Variants in DMAC2L observed in about 807,000 individuals in gnomAD.
The protein encoded by DMAC2L is distal membrane arm assembly component 2 like.
DMAC2L carries 21 observed loss-of-function variants against 22.5 expected under a neutral mutation model. That is an observed-to-expected ratio of 0.93 (90% CI 0.66 to 1.34). The LOEUF is 1.34. Ranked by LOEUF, DMAC2L falls within the 40% of genes most tolerant of loss-of-function variation. The pLI, the probability that DMAC2L is intolerant of heterozygous loss-of-function variation, is 0.00. For missense variants in DMAC2L, 239 were observed against 246.5 expected, an observed-to-expected ratio of 0.97 and a Z score of 0.20; for synonymous variants, 86 against 89.5, an observed-to-expected ratio of 0.96 and a Z score of 0.22.
upstream of DMAC2L, chr14:50,311,950 C>T: frequency 6.5e-7 from 1 of 1,535,200 alleles, no homozygotes; most frequent in Non-Finnish European, 8.7e-7. Flanking sequence ...ACAGGTCCAC[C>T]ACCAGGTGCC....
chr14:50,322,726 A>T lies in DMAC2L; in HGVS notation c.316+7A>T. ...ATTGGATTTGATCACATGGGTAACTACCCTATCGTTTTGCTAATAGAAAAT... is the reference window on the plus strand; with the variant it reads ...ATTGGATTTGATCACATGGGTAACTTCCCTATCGTTTTGCTAATAGAAAAT... On this transcript the variant is annotated splice_region_variant and intron_variant, in intron 4 of 5. Coordinates refer to ENST00000557421, the MANE Select transcript of DMAC2L (RefSeq NM_001382507.1). 6.2e-7 allele frequency: 1 copy of T among 1,614,064 alleles called. No individual in the cohort carries two copies. Among genetic ancestry groups the T allele is most frequent in the Middle Eastern group, 1.7e-4 (1 of 6,060 alleles).
At chr14:50,323,565 T>C (rs2139317367) in intron 4 of DMAC2L, among the ~76,000 whole-genome samples, 1 of 151,984 alleles carries the variant, frequency 6.6e-6, no homozygotes, top group African/African-American at 2.4e-5. Context: ...GGGTAATTTT[T>C]CTATTTTTAG....
intron 1 of DMAC2L, 27 bp downstream of exon 1, chr14:50,312,416 C>G (rs1381952658): frequency 1.4e-5 from 8 of 555,416 alleles, no homozygotes; most frequent in African/African-American, 1.1e-4. Flanking sequence ...GGCCCCGAGC[C>G]GGGCGGGACT....
chr14:50,321,318 A>G (rs2032251607), intron 2 of DMAC2L, 165 bp from the exon 3 acceptor site: 2 of 1,320,064 alleles, frequency 1.5e-6, no homozygotes, highest in Admixed American at 3.6e-5. Context: ...CAGCAAACAA[A>G]TAAAAAACCC....
At chr14:50,312,286 G>T, upstream of DMAC2L, 1 of 1,331,694 alleles carries the variant, frequency 7.5e-7, no homozygotes, top group Non-Finnish European at 1.0e-6. Context: ...TGTGGGAGAG[G>T]CTGCGGTGGC....
rs75434092 is a variant in DMAC2L at position 50,314,706 on chromosome 14, A to G, written c.-6+80A>G. The G allele has an allele frequency of 3.0e-4, 132 of 445,278 alleles. No individual in the cohort carries two copies. The East Asian group carries it at 4.3e-3, about 15-fold the overall frequency. The allele number at this position is 445,278 out of a possible 1,614,324, so 27.6% of individuals were successfully genotyped here. On this transcript the variant is annotated intron_variant, in intron 2 of 5. Transcript: ENST00000557421. Reference sequence around the variant, plus strand: ...GCCCAGGCTGGAGTGCAGTGGTGCAATCTCAACTCACTGCGGCCTCTGCCT... The same window carrying G: ...GCCCAGGCTGGAGTGCAGTGGTGCAGTCTCAACTCACTGCGGCCTCTGCCT...
intron 1 of DMAC2L, chr14:50,313,147 A>G: frequency 1.7e-6 from 2 of 1,158,776 alleles, no homozygotes; most frequent in South Asian, 1.2e-5. Flanking sequence ...TAAAATTGTC[A>G]CTGTGCCGGT....
intron 3 of DMAC2L, 44 bp downstream of exon 3, chr14:50,321,638 A>C (rs776958382): frequency 7.1e-7 from 1 of 1,409,612 alleles, no homozygotes; most frequent in African/African-American, 1.4e-5. Context: ...AGATGGTTAC[A>C]GCTAAATAAG....
At chr14:50,323,645 C>T (rs1297092452) in intron 4 of DMAC2L, among the ~76,000 whole-genome samples, 1 of 152,126 alleles carries the variant, frequency 6.6e-6, no homozygotes, top group Admixed American at 6.5e-5. Context: ...CCACCCGCCT[C>T]AGCCTCCCAA....
At chr14:50,320,919 G>A (rs1293611045) in intron 2 of DMAC2L, among the ~76,000 whole-genome samples, 1 of 152,202 alleles carries the variant, frequency 6.6e-6, no homozygotes, top group Non-Finnish European at 1.5e-5. Flanking sequence ...TTTTACAAAT[G>A]AGAAAACCAG....
chr14:50,320,148 G>A (rs1359836438), intron 2 of DMAC2L, among the ~76,000 whole-genome samples: 1 of 152,134 alleles, frequency 6.6e-6, no homozygotes, highest in Non-Finnish European at 1.5e-5. Context: ...CTGGAGTGCA[G>A]TCTGGTACAA....
rs190157058 is a variant in DMAC2L at position 50,326,322 on chromosome 14, T to C, written c.*599T>C. 3.2e-6 allele frequency: 2 copies of C among 626,886 alleles called. No individual in the cohort carries two copies. The highest frequency in any genetic ancestry group is 1.3e-4 in the Admixed American group (2 of 15,816). 38.8% of individuals were successfully genotyped at this position (626,886 alleles called of 1,614,324 possible). A position where few individuals can be genotyped will look rare whatever the true frequency, so the allele number is the denominator to read the frequency against. ...ATCTATAGATATCTCTTGATGTAGA[T>C]ATTTAGAATCCTTTAAAGTTATTTG... On this transcript the variant is annotated 3_prime_UTR_variant, in exon 6 of 6. Coordinates refer to ENST00000557421, the MANE Select transcript of DMAC2L (RefSeq NM_001382507.1).
chr14:50,312,988 T>C (rs2031388547), intron 1 of DMAC2L: 3 of 1,614,042 alleles, frequency 1.9e-6, no homozygotes, highest in Non-Finnish European at 2.5e-6. Flanking sequence ...TCTGTGTCCT[T>C]TTCTTGAGTA....
rs1035893462 is a variant in DMAC2L, at chr14:50,326,685, T to A, written c.*962T>A. The A allele has an allele frequency of 1.5e-5, 15 of 985,304 alleles. No homozygotes were observed. Among genetic ancestry groups the A allele is most frequent in the Admixed American group, 6.1e-5 (1 of 16,262 alleles). The allele number at this position is 985,304 out of a possible 1,614,324, so 61.0% of individuals were successfully genotyped here. ...GCTGAATACAAATAGTTTTGCAGAT[T>A]GCAATATAATAAAGGAAACAGTAAA... On this transcript the variant is annotated 3_prime_UTR_variant, in exon 6 of 6. Coordinates refer to ENST00000557421, the MANE Select transcript of DMAC2L (RefSeq NM_001382507.1).
At chr14:50,318,494 C>A (rs1453086096) in intron 2 of DMAC2L, among the ~76,000 whole-genome samples, 3 of 152,150 alleles carry the variant, frequency 2.0e-5, no homozygotes, top group African/African-American at 4.8e-5. Flanking sequence ...TTTCAAAGAC[C>A]ACTCTAATTC....
upstream of DMAC2L, chr14:50,312,136 C>G (rs2031265212): frequency 6.2e-7 from 1 of 1,610,352 alleles, no homozygotes; most frequent in Non-Finnish European, 8.5e-7. Context: ...CCAAATAACG[C>G]AGCGCTGGCA....
chr14:50,311,813 T>C (rs919700137), upstream of DMAC2L, among the ~76,000 whole-genome samples: 6 of 152,232 alleles, frequency 3.9e-5, no homozygotes, highest in African/African-American at 7.2e-5. Flanking sequence ...CTCTATACAC[T>C]GCCTTTCCTC....
At chr14:50,312,151 C>A, upstream of DMAC2L, 1 of 1,609,812 alleles carries the variant, frequency 6.2e-7, no homozygotes, top group Non-Finnish European at 8.5e-7. Context: ...CTGGCACCAT[C>A]CCCTACGCAC....
At chr14:50,312,219 C>G (rs2031279443), upstream of DMAC2L, 1 of 1,580,366 alleles carries the variant, frequency 6.3e-7, no homozygotes, top group Non-Finnish European at 8.6e-7. Flanking sequence ...CGAGGACCCG[C>G]GCTCTTTAGC....
Sources: gnomAD v4.1 joint callset for allele counts (sites outside exome capture counted in the v4.1 genomes callset) on GRCh38, gnomAD v4.1.1 for gene constraint, MANE v1.5 for transcripts, NCBI Gene and HGNC (gene_info 2026-07-23, HGNC 2026-07-21) for gene names.